ATRNL1: variants seen among roughly 807,000 people sequenced by gnomAD.
ATRNL1 encodes attractin like 1.
ATRNL1 carries 95 observed loss-of-function variants against 182.7 expected under a neutral mutation model. That is an observed-to-expected ratio of 0.52 (90% CI 0.44 to 0.62). ATRNL1 has a LOEUF of 0.62. ATRNL1 is among the 20% of genes least tolerant of loss of function. The pLI is 0.00. For synonymous variants in ATRNL1, 576 were observed against 568.3 expected, an observed-to-expected ratio of 1.01 and a Z score of -0.19; for missense variants, 1,471 against 1,679.5, an observed-to-expected ratio of 0.88 and a Z score of 2.17.
At chr10:115,801,443 A>G (rs1949790086) in intron 27 of ATRNL1, among the ~76,000 whole-genome samples, 1 of 152,214 alleles carries the variant, frequency 6.6e-6, no homozygotes, top group Non-Finnish European at 1.5e-5. Flanking sequence ...ATTTCAGCAA[A>G]TTATTTTGCT....
chr10:115,884,142 G>A (rs1478355802), intron 28 of ATRNL1, among the ~76,000 whole-genome samples: 10 of 152,132 alleles, frequency 6.6e-5, no homozygotes, highest in African/African-American at 1.7e-4. Context: ...TGTTTTAGCC[G>A]TGATCATTCC....
intron 5 of ATRNL1, among the ~76,000 whole-genome samples, chr10:115,146,024 C>G (rs1845955386): frequency 6.6e-6 from 1 of 151,840 alleles, no homozygotes; most frequent in African/African-American, 2.4e-5. Context: ...GAAGTACCAC[C>G]TTAGAGATAC....
intron 26 of ATRNL1, among the ~76,000 whole-genome samples, chr10:115,614,705 C>CGT (rs138143625): frequency 1.1e-4 from 17 of 151,164 alleles, no homozygotes; most frequent in South Asian, 2.1e-4. Context: ...TGCTCCAGTG[C>CGT]GTGTGTGTGT....
At chr10:115,933,389 C>A (rs1303265615) in intron 28 of ATRNL1, among the ~76,000 whole-genome samples, 1 of 128,128 alleles carries the variant, frequency 7.8e-6, no homozygotes, top group Non-Finnish European at 1.5e-5. Context: ...CTTCTCAAGT[C>A]ATCAACTAAC....
In ATRNL1 at chr10:115,114,562, A is replaced by G. The variant is rs147823389; in HGVS notation, c.294-5623A>G. ...AATAACAAGAAAACAAATAACCCCT[A>G]TTTAAACATGGGCAAATAATCTGAA... On this transcript the variant is annotated intron_variant, in intron 1 of 28. Coordinates refer to ENST00000355044, the MANE Select transcript of ATRNL1 (RefSeq NM_207303.4). Among the ~76,000 whole-genome samples, 1,048 of 152,224 alleles carry G rather than the reference A, an allele frequency of 6.9e-3. 5 individuals carry two copies. Among genetic ancestry groups the G allele is most frequent in the Non-Finnish European group, 7.5e-3 (510 of 67,968 alleles).
intron 9 of ATRNL1, among the ~76,000 whole-genome samples, chr10:115,234,252 A>G (rs924928418): frequency 6.6e-6 from 1 of 152,086 alleles, no homozygotes; most frequent in Non-Finnish European, 1.5e-5. Flanking sequence ...CTTCAGTTAA[A>G]TTGTTATAAA....
chr10:115,718,498 A>G (rs949589328), intron 26 of ATRNL1, among the ~76,000 whole-genome samples: 45 of 152,324 alleles, frequency 3.0e-4, no homozygotes, highest in African/African-American at 1.1e-3. Flanking sequence ...ATAAAATACT[A>G]TCTTGCAAAG....
chr10:115,362,007 A>T (rs577371916), intron 19 of ATRNL1, among the ~76,000 whole-genome samples: 4 of 152,206 alleles, frequency 2.6e-5, no homozygotes, highest in African/African-American at 9.6e-5. Context: ...AGGCAAGTAC[A>T]GGTGCCTAAT....
At chr10:115,133,932 T>G (rs1384946756) in intron 5 of ATRNL1, among the ~76,000 whole-genome samples, 1 of 152,036 alleles carries the variant, frequency 6.6e-6, no homozygotes, top group Non-Finnish European at 1.5e-5. Flanking sequence ...CTGAACAACT[T>G]GCTCCTGAAT....
At chr10:115,299,897 A>G (rs912903977) in intron 15 of ATRNL1, 137 bp from the exon 16 acceptor site, 63 of 579,006 alleles carry the variant, frequency 1.1e-4, no homozygotes, top group Non-Finnish European at 1.6e-4. Context: ...AATTATTCTT[A>G]GTACTAAAAC....
chr10:115,230,789 A>G (rs1849890928), intron 9 of ATRNL1, among the ~76,000 whole-genome samples: 1 of 151,192 alleles, frequency 6.6e-6, no homozygotes, highest in African/African-American at 2.4e-5. Flanking sequence ...GAAGGTAGTG[A>G]GAATTGGTTG....
At position 115,261,961 on chromosome 10, in the gene ATRNL1, G is replaced by T. The variant is rs1347429443; in HGVS notation, c.1688-3232G>T. 4.6e-5 allele frequency among the ~76,000 whole-genome samples: 7 copies of T among 152,204 alleles called. No homozygotes were observed. The East Asian group carries it at 1.4e-3, about 29-fold the overall frequency. On this transcript the variant is annotated intron_variant, in intron 10 of 28. Transcript: ENST00000355044. Reference sequence around the variant, plus strand: ...TAGAGAATGGAGGGAGAGGAAATATGCGTGTGTAAGTCTGTGTAAGAGCTT... The same window carrying T: ...TAGAGAATGGAGGGAGAGGAAATATTCGTGTGTAAGTCTGTGTAAGAGCTT...
At chr10:115,270,690 G>A (rs1851822466) in intron 13 of ATRNL1, among the ~76,000 whole-genome samples, 1 of 151,704 alleles carries the variant, frequency 6.6e-6, no homozygotes, top group African/African-American at 2.4e-5. Context: ...GTTCTTTCAG[G>A]CCCTCAATTG....
At chr10:115,722,347 A>T (rs1471102626) in intron 26 of ATRNL1, among the ~76,000 whole-genome samples, 1 of 152,170 alleles carries the variant, frequency 6.6e-6, no homozygotes, top group Non-Finnish European at 1.5e-5. Context: ...AGGAAAATTA[A>T]CCTCACACTG....
At position 115,711,880 on chromosome 10, in the gene ATRNL1, A is replaced by G. The variant is rs1165802137; in HGVS notation, c.3796-15368A>G. ...ATTCCAAAAACATAGAAATGCCCTA[A>G]TTAAATAAAATCTCCTCACTTTATC... is the stretch of plus-strand genomic sequence containing the variant. On this transcript the variant is annotated intron_variant, in intron 26 of 28. Coordinates refer to ENST00000355044, the MANE Select transcript of ATRNL1 (RefSeq NM_207303.4). Among the ~76,000 whole-genome samples, 5 of 152,306 alleles carry G rather than the reference A, an allele frequency of 3.3e-5. No individual in the cohort carries two copies. In the East Asian group the frequency reaches 9.7e-4, roughly 29 times the overall value.
chr10:115,124,755 C>T (rs1312662108), intron 3 of ATRNL1, among the ~76,000 whole-genome samples: 1 of 152,020 alleles, frequency 6.6e-6, no homozygotes, highest in Non-Finnish European at 1.5e-5. Context: ...TCAGGGCTCA[C>T]CATGAATAGG....
intron 26 of ATRNL1, among the ~76,000 whole-genome samples, chr10:115,726,237 T>C (rs1409628564): frequency 1.3e-5 from 2 of 152,184 alleles, no homozygotes; most frequent in Admixed American, 6.5e-5. Context: ...CAAAGACTAG[T>C]AGTTAACATT....
chr10:115,417,381 C>A (rs1845440945), intron 20 of ATRNL1, among the ~76,000 whole-genome samples: 1 of 152,170 alleles, frequency 6.6e-6, no homozygotes, highest in African/African-American at 2.4e-5. Flanking sequence ...CCATATCCTG[C>A]AGATTGTGAG....
chr10:115,705,992 C>T (rs1369757438), intron 26 of ATRNL1, among the ~76,000 whole-genome samples: 1 of 151,932 alleles, frequency 6.6e-6, no homozygotes, highest in Non-Finnish European at 1.5e-5. Flanking sequence ...ATCCCAGCCT[C>T]AGGCCGTCTT....
Sources: gnomAD v4.1 joint callset for allele counts (sites outside exome capture counted in the v4.1 genomes callset) on GRCh38, gnomAD v4.1.1 for gene constraint, MANE v1.5 for transcripts, NCBI Gene and HGNC (gene_info 2026-07-23, HGNC 2026-07-21) for gene names.